The following MAL variants were observed in gnomAD, a reference collection of about 807,000 sequenced individuals.
MAL encodes the protein myelin and lymphocyte protein.
MAL carries 5 observed loss-of-function variants against 16.7 expected under a neutral mutation model. That is an observed-to-expected ratio of 0.30 (90% CI 0.16 to 0.63). The LOEUF (loss-of-function observed/expected upper bound fraction) is 0.63. MAL is among the 30% of genes least tolerant of loss of function. The pLI is 0.82. For missense variants in MAL, 202 were observed against 195.8 expected, an observed-to-expected ratio of 1.03 and a Z score of -0.19; for synonymous variants, 96 against 85.5, an observed-to-expected ratio of 1.12 and a Z score of -0.67.
chr2:95,035,837 T>C (rs1674192146), intron 1 of MAL, among the ~76,000 whole-genome samples: 2 of 151,836 alleles, frequency 1.3e-5, no homozygotes, highest in Admixed American at 6.6e-5. Context: ...ACCCGGCTAA[T>C]TTTTTGTATT....
intron 1 of MAL, chr2:95,026,812 T>TGC (rs1673953779): frequency 6.6e-6 from 1 of 152,092 alleles, no homozygotes; most frequent in African/African-American, 2.4e-5. Flanking sequence ...CACCCCACCC[T>TGC]CAGAAGTGTC....
intron 1 of MAL, among the ~76,000 whole-genome samples, chr2:95,027,699 A>AGTTTTT (rs58037289): frequency 0.044 from 6,636 of 152,010 alleles, 459 homozygotes; most frequent in African/African-American, 0.15. Flanking sequence ...ACCCCGGGAG[A>AGTTTTT]GTTTTTGTTT....
rs374545322 is a variant in MAL at position 95,053,576 on chromosome 2, C to T, written c.*121C>T. On this transcript the variant is annotated 3_prime_UTR_variant, in exon 4 of 4. Coordinates refer to ENST00000309988, the MANE Select transcript of MAL (RefSeq NM_002371.4). Reference sequence around the variant, plus strand: ...GTGGAAAAAAGAAAACAACCACCCCCCCACTGCCCAAAAAAAAAAGCCCTG... The same window carrying T: ...GTGGAAAAAAGAAAACAACCACCCCTCCACTGCCCAAAAAAAAAAGCCCTG... The T allele has an allele frequency of 4.1e-6, 3 of 739,802 alleles. No individual in the cohort carries two copies. Among genetic ancestry groups the T allele is most frequent in the Admixed American group, 5.2e-5 (2 of 38,206 alleles). The allele number at this position is 739,802 out of a possible 1,614,324, so 45.8% of individuals were successfully genotyped here.
intron 2 of MAL, among the ~76,000 whole-genome samples, chr2:95,048,702 G>T (rs768904274): frequency 3.3e-5 from 5 of 152,264 alleles, no homozygotes; most frequent in Non-Finnish European, 4.4e-5. Flanking sequence ...TGCTGTAGGG[G>T]TGGTGGGGCC....
At chr2:95,033,935 A>G (rs1674145389) in intron 1 of MAL, among the ~76,000 whole-genome samples, 1 of 152,222 alleles carries the variant, frequency 6.6e-6, no homozygotes, top group Non-Finnish European at 1.5e-5. Context: ...CAGTTTCTGC[A>G]TCAGTAAAAT....
chr2:95,038,862 GAGTGACTGAGT>G (rs1674344907), intron 1 of MAL, among the ~76,000 whole-genome samples: 3 of 12,612 alleles, frequency 2.4e-4, no homozygotes, highest in African/African-American at 6.0e-4. Context: ...GTGACTGAGT[GAGTGACTGAGT>G]GGGTGAGTGA....
chr2:95,036,594 CT>C (rs1483090360), intron 1 of MAL, among the ~76,000 whole-genome samples: 3 of 152,246 alleles, frequency 2.0e-5, no homozygotes, highest in African/African-American at 7.2e-5. Context: ...CTGTCAGCAT[CT>C]GTTAAATGCG....
At chr2:95,051,884 T>G (rs1313875715) in intron 3 of MAL, 1 of 152,192 alleles carries the variant, frequency 6.6e-6, no homozygotes, top group Non-Finnish European at 1.5e-5. Flanking sequence ...AGTTCGTTAC[T>G]CAGGATTCAA....
intron 1 of MAL, among the ~76,000 whole-genome samples, chr2:95,028,861 A>G (rs1207244845): frequency 6.6e-6 from 1 of 152,234 alleles, no homozygotes; most frequent in Non-Finnish European, 1.5e-5. Context: ...AAATCCATAG[A>G]GACAGAACAC....
At chr2:95,040,403 A>T (rs1674431911) in intron 1 of MAL, among the ~76,000 whole-genome samples, 1 of 152,210 alleles carries the variant, frequency 6.6e-6, no homozygotes, top group Admixed American at 6.5e-5. Context: ...ACATGTACAC[A>T]CACACACACA....
chr2:95,035,601 CA>C (rs1247511917), intron 1 of MAL, among the ~76,000 whole-genome samples: 1 of 151,880 alleles, frequency 6.6e-6, no homozygotes. Context: ...CAAGCCTGAA[CA>C]GGGGGCTCTT....
chr2:95,050,864 T>A (rs1445476681), intron 3 of MAL, among the ~76,000 whole-genome samples: 1 of 152,174 alleles, frequency 6.6e-6, no homozygotes, highest in African/African-American at 2.4e-5. Context: ...CCAGGGGGCA[T>A]CTTGACTGAT....
At chr2:95,045,990 A>C (rs1476380155) in intron 1 of MAL, among the ~76,000 whole-genome samples, 1 of 152,198 alleles carries the variant, frequency 6.6e-6, no homozygotes, top group Non-Finnish European at 1.5e-5. Flanking sequence ...GCAACCTAAG[A>C]TCCATCAGCA....
At chr2:95,039,039 ACTGAGTGACTGAGTGG>A (rs1674355968) in intron 1 of MAL, among the ~76,000 whole-genome samples, 1 of 151,372 alleles carries the variant, frequency 6.6e-6, no homozygotes. Flanking sequence ...TGAGTGAGTG[ACTGAGTGACTGAGTGG>A]GTGAGTGAGT....
chr2:95,053,402 C>G lies in MAL; in HGVS notation c.409C>G (p.Leu137Val). Reference protein sequence around the residue: ...AAVVFSYIATLLYVVHAVFSL... With the variant: ...AAVVFSYIATVLYVVHAVFSL... ...CCAGGTGTTCTCCTACATAGCCACT[C>G]TGCTCTACGTGGTCCATGCGGTGTT... Residue 137 changes from leucine to valine, a missense_variant, in exon 4 of 4, where the codon CTG (leucine) becomes GTG (valine). Transcript: ENST00000309988. 1.2e-6 allele frequency: 2 copies of G among 1,613,464 alleles called. No homozygotes were observed. The highest frequency in any genetic ancestry group is 1.1e-5 in the South Asian group (1 of 91,048).
At chr2:95,026,793 C>T (rs899429919) in intron 1 of MAL, 1 of 152,212 alleles carries the variant, frequency 6.6e-6, no homozygotes, top group Non-Finnish European at 1.5e-5. Flanking sequence ...TGAGGGACAC[C>T]TTTTCCGGCA....
chr2:95,053,309 T>C, intron 3 of MAL, 72 bp from the exon 4 acceptor site: 1 of 1,037,104 alleles, frequency 9.6e-7, no homozygotes. Flanking sequence ...CACGTGGGGC[T>C]GGATGCAGTG....
intron 1 of MAL, among the ~76,000 whole-genome samples, chr2:95,030,615 C>T (rs1674055167): frequency 6.6e-6 from 1 of 152,162 alleles, no homozygotes; most frequent in Admixed American, 6.5e-5. Context: ...GAAGGAAGTG[C>T]CTGAAGAGGG....
At chr2:95,033,653 C>T (rs1434961817) in intron 1 of MAL, among the ~76,000 whole-genome samples, 2 of 152,118 alleles carry the variant, frequency 1.3e-5, no homozygotes, top group East Asian at 3.9e-4. Context: ...ATGGCTTGCA[C>T]CCATAGTCCC....
Sources: gnomAD v4.1 joint callset for allele counts (sites outside exome capture counted in the v4.1 genomes callset) on GRCh38, gnomAD v4.1.1 for gene constraint, MANE v1.5 for transcripts, NCBI Gene and HGNC (gene_info 2026-07-23, HGNC 2026-07-21) for gene names.